Variants in LTBP2 observed in about 807,000 individuals in gnomAD.
LTBP2 encodes latent transforming growth factor beta binding protein 2.
Under a neutral mutation model 210.6 loss-of-function variants are expected in LTBP2, and 103 were observed. The ratio of observed to expected loss-of-function variants is 0.49; its 90% CI spans 0.42 to 0.58. The LOEUF (loss-of-function observed/expected upper bound fraction) is 0.58, where lower values mean the gene tolerates loss of function less well. Ranked by LOEUF, LTBP2 falls within the 20% of genes least tolerant of loss-of-function variation. The pLI is 0.00. For synonymous variants in LTBP2, 1,007 were observed against 1,015.0 expected, an observed-to-expected ratio of 0.99 and a Z score of 0.15; for missense variants, 2,313 against 2,494.5, an observed-to-expected ratio of 0.93 and a Z score of 1.55.
Position 74,498,803 on chromosome 14 carries a change from G to GTGTTA in LTBP2, c.*2076_*2080dup, listed in dbSNP as rs1289880742. The stretch of plus-strand genomic sequence containing the variant: ...TCTTTCCCCATTCTTTAGACAAATA[G>GTGTTA]TGTTATGTTACATGCTGTTATGCAA... On this transcript the variant is annotated 3_prime_UTR_variant, in exon 36 of 36. Transcript: ENST00000261978. 1 of 230,288 alleles carries GTGTTA rather than the reference G, an allele frequency of 4.3e-6. No individual in the cohort carries two copies. The highest frequency in any genetic ancestry group is 2.2e-5 in the African/African-American group (1 of 45,158). The allele number at this position is 230,288 out of a possible 1,614,324, so 14.3% of individuals were successfully genotyped here.
chr14:74,503,287 G>T lies in LTBP2; in HGVS notation c.4820C>A (p.Thr1607Lys). 2 of 1,614,084 alleles carry T rather than the reference G, an allele frequency of 1.2e-6. No homozygotes were observed. The highest frequency in any genetic ancestry group is 8.5e-7 in the Non-Finnish European group (1 of 1,180,046). The change falls in exon 33 of 36, where the codon ACG becomes AAG. Residue 1607 changes from threonine (T) to lysine (K), a missense_variant. By Grantham distance (78) the Thr-to-Lys change is moderately conservative (BLOSUM62 -1). Around this residue, in one of 3 missense-constraint regions of LTBP2, gnomAD observed 443 missense variants for 501.4 expected, o/e 0.88. Coordinates refer to ENST00000261978, the MANE Select transcript of LTBP2 (RefSeq NM_000428.3). ...CTCGCCGTCCTGGCAGCAGCATTCC[G>T]TGTAGGTGGTGCGGTGCCCACGCAG... is the stretch of plus-strand genomic sequence containing the variant. ...EPLRGHRTTY[T>K]ECCCQDGEAW...
At chr14:74,501,962 C>T (rs1026253948) in intron 34 of LTBP2, 7 of 328,134 alleles carry the variant, frequency 2.1e-5, no homozygotes, top group Admixed American at 4.4e-5. Flanking sequence ...ACCTTCACAT[C>T]GTGTTTTTGG....
chr14:74,550,914 T>C (rs2087644103), intron 7 of LTBP2, 150 bp downstream of exon 7: 3 of 1,002,222 alleles, frequency 3.0e-6, no homozygotes, highest in African/African-American at 1.6e-5. Flanking sequence ...GACAATTTCA[T>C]GCCTTGGGTT....
intron 2 of LTBP2, among the ~76,000 whole-genome samples, chr14:74,591,807 G>A (rs2088287842): frequency 6.6e-6 from 1 of 152,214 alleles, no homozygotes; most frequent in African/African-American, 2.4e-5. Context: ...CTGCCATAAA[G>A]TCAGGAAAAG....
intron 3 of LTBP2, among the ~76,000 whole-genome samples, chr14:74,578,405 A>C (rs2139779720): frequency 6.6e-6 from 1 of 152,318 alleles, no homozygotes; most frequent in South Asian, 2.1e-4. Flanking sequence ...AAAGAAATTG[A>C]GTTTCAGGGA....
At chr14:74,564,243 T>TTATATATATTTA (rs2087858354) in intron 3 of LTBP2, among the ~76,000 whole-genome samples, 1 of 7,282 alleles carries the variant, frequency 1.4e-4, no homozygotes, top group Non-Finnish European at 2.7e-4. Context: ...TTATATATAT[T>TTATATATATTTA]TATATATATT....
At chr14:74,605,038 C>T (rs558047931) in intron 1 of LTBP2, among the ~76,000 whole-genome samples, 11 of 152,316 alleles carry the variant, frequency 7.2e-5, no homozygotes, top group African/African-American at 1.9e-4. Context: ...GGGCCGGGCT[C>T]TGGCTTCCAT....
intron 22 of LTBP2, 66 bp from the exon 23 acceptor site, chr14:74,509,018 GGA>G: frequency 6.2e-7 from 1 of 1,604,706 alleles, no homozygotes. Flanking sequence ...GAGTCAAGGG[GGA>G]AGTCTCCAGA....
chr14:74,586,667 C>T lies in LTBP2; in HGVS notation c.566-549G>A, dbSNP rs748075105. On this transcript the variant is annotated intron_variant, in intron 2 of 35. Coordinates refer to ENST00000261978, the MANE Select transcript of LTBP2 (RefSeq NM_000428.3). This position sits in a 1 kb window ranked among gnomAD's most constrained non-coding sequence, Gnocchi z 4.6. ...CTTGACTTCACTGAGCCTCTATTTG[C>T]GCCTAAATCACGGGAGGGGTGAACT... Among the ~76,000 whole-genome samples, 62 of 152,126 alleles carry T rather than the reference C, an allele frequency of 4.1e-4. No individual in the cohort carries two copies. Among genetic ancestry groups the T allele is most frequent in the Non-Finnish European group, 6.2e-4 (42 of 68,010 alleles).
intron 3 of LTBP2, among the ~76,000 whole-genome samples, chr14:74,577,552 A>G (rs1051668937): frequency 1.4e-5 from 2 of 143,050 alleles, no homozygotes; most frequent in African/African-American, 2.6e-5. Context: ...TCTGTTGCCC[A>G]GGCTGGAGTA....
chr14:74,503,050 A>T (rs1273332314), intron 33 of LTBP2, 116 bp from the exon 34 acceptor site: 1 of 1,496,050 alleles, frequency 6.7e-7, no homozygotes, highest in South Asian at 1.1e-5. Context: ...TCCTGGCAAC[A>T]TTCCTCTCCC....
intron 2 of LTBP2, among the ~76,000 whole-genome samples, chr14:74,589,783 G>C (rs779016656): frequency 2.6e-5 from 4 of 152,160 alleles, no homozygotes; most frequent in Non-Finnish European, 5.9e-5. Flanking sequence ...TCTCGGCCTT[G>C]GGGTTTTTTT....
chr14:74,528,824 G>T, intron 11 of LTBP2, 126 bp from the exon 12 acceptor site: 2 of 1,509,720 alleles, frequency 1.3e-6, no homozygotes, highest in Non-Finnish European at 1.8e-6. Context: ...GCCCCAGGTT[G>T]GGATAAGCAC....
At chr14:74,597,435 A>G in intron 2 of LTBP2, among the ~76,000 whole-genome samples, 1 of 152,180 alleles carries the variant, frequency 6.6e-6, no homozygotes. Context: ...GCAGCTGGGG[A>G]TGGAGGGAGG....
chr14:74,607,430 AATTT>A (rs1452523908), intron 1 of LTBP2, among the ~76,000 whole-genome samples: 3 of 152,232 alleles, frequency 2.0e-5, no homozygotes, highest in Non-Finnish European at 4.4e-5. Context: ...TTCAGTTATG[AATTT>A]ATTTATGGAG....
At chr14:74,535,356 G>A (rs1486888645) in intron 9 of LTBP2, among the ~76,000 whole-genome samples, 1 of 152,128 alleles carries the variant, frequency 6.6e-6, no homozygotes, top group African/African-American at 2.4e-5. Context: ...AGTTGTCAAA[G>A]CTCCCCACAG....
chr14:74,535,948 T>A lies in LTBP2; in HGVS notation c.1842A>T (p.Arg614Ser). ...TACCTTGGCAGTGAGTGAGGTTCAGTCTCTTGTACCCCTGAGGACACTCCA... is the reference window on the plus strand; with the variant it reads ...TACCTTGGCAGTGAGTGAGGTTCAGACTCTTGTACCCCTGAGGACACTCCA... The part of the protein sequence containing the change: ...GQLECPQGYK[R>S]LNLTHCQDIN... Residue 614 changes from arginine (R) to serine (S), a missense_variant, in exon 9 of 36, where the codon AGA becomes AGT. Arg to Ser is a moderately radical substitution (Grantham distance 110, BLOSUM62 -1). Around this residue, in one of 3 missense-constraint regions of LTBP2, gnomAD observed 1,867 missense variants for 1,976.9 expected, o/e 0.94. Coordinates refer to ENST00000261978, the MANE Select transcript of LTBP2 (RefSeq NM_000428.3). 6.2e-7 allele frequency: 1 copy of A among 1,614,092 alleles called. No homozygotes were observed. The highest frequency in any genetic ancestry group is 8.5e-7 in the Non-Finnish European group (1 of 1,180,014).
intron 3 of LTBP2, 32 bp from the exon 4 acceptor site, chr14:74,555,725 A>G: frequency 1.4e-6 from 2 of 1,463,058 alleles, no homozygotes; most frequent in Non-Finnish European, 1.8e-6. Context: ...GGGGGTTTGC[A>G]CCCTGGGAAC....
At chr14:74,536,269 A>C (rs1469455541) in intron 8 of LTBP2, among the ~76,000 whole-genome samples, 1 of 152,234 alleles carries the variant, frequency 6.6e-6, no homozygotes, top group Non-Finnish European at 1.5e-5. Flanking sequence ...ATGGGACCTA[A>C]GAAAAGCAAA....
Sources: allele counts gnomAD v4.1 joint callset (sites outside exome capture counted in the v4.1 genomes callset), GRCh38; gene constraint gnomAD v4.1.1; regional missense constraint gnomAD v4.1.1; non-coding constraint Gnocchi (gnomAD v3.1); transcripts MANE v1.5; gene names NCBI Gene and HGNC (gene_info 2026-07-23, HGNC 2026-07-21).